Variants in RAPGEF2 observed in about 807,000 individuals in gnomAD.
The protein encoded by RAPGEF2 is PDZ domain containing guanine nucleotide exchange factor (GEF) 1.
In RAPGEF2, 54 loss-of-function variants were observed where a neutral mutation model predicts 186.7. That is an observed-to-expected ratio of 0.29 (90% CI 0.23 to 0.36). The LOEUF is 0.36. RAPGEF2 is among the 10% of genes least tolerant of loss of function. The pLI, the probability that RAPGEF2 is intolerant of heterozygous loss-of-function variation, is 1.00. For synonymous variants in RAPGEF2, 712 were observed against 705.9 expected, an observed-to-expected ratio of 1.01 and a Z score of -0.14; for missense variants, 1,532 against 2,045.0, an observed-to-expected ratio of 0.75 and a Z score of 4.84.
intron 2 of RAPGEF2, 79 bp from the exon 3 acceptor site, chr4:159,193,121 A>G (rs1748286656): frequency 1.5e-5 from 10 of 682,654 alleles, no homozygotes; most frequent in Non-Finnish European, 2.2e-5. Flanking sequence ...TCTAGACTGT[A>G]TGTGTCATTT....
intron 7 of RAPGEF2, among the ~76,000 whole-genome samples, chr4:159,253,911 T>C (rs1395800812): frequency 6.6e-6 from 1 of 151,932 alleles, no homozygotes; most frequent in East Asian, 1.9e-4. Flanking sequence ...GAGCTGGCAG[T>C]GAGCCTGGGG....
In RAPGEF2 at chr4:159,322,500, A is replaced by G; in HGVS notation, c.990+17A>G. On this transcript the variant is annotated intron_variant, in intron 10 of 29. Coordinates refer to ENST00000691494, the MANE Select transcript of RAPGEF2 (RefSeq NM_001394067.2). ...GGTGAAGAGGTGAGTAACTATTCCT[A>G]CCACTTAAAAAGTTTCTTCTTAAAG... is the stretch of plus-strand genomic sequence containing the variant. 2 of 1,608,208 alleles carry G rather than the reference A, an allele frequency of 1.2e-6. No individual in the cohort carries two copies. Among genetic ancestry groups the G allele is most frequent in the Non-Finnish European group, 1.7e-6 (2 of 1,176,102 alleles).
At chr4:159,317,758 T>C (rs762820821) in intron 9 of RAPGEF2, among the ~76,000 whole-genome samples, 37 of 152,106 alleles carry the variant, frequency 2.4e-4, no homozygotes, top group Non-Finnish European at 4.1e-4. Flanking sequence ...AAATTGGAAG[T>C]GTGTTCAGTT....
In RAPGEF2 at chr4:159,196,946, T is replaced by G. The variant is rs1366854399; in HGVS notation, c.197+3690T>G. The stretch of plus-strand genomic sequence containing the variant: ...TTGCCCATTTGGAATCAAATTGTGT[T>G]GGTTTGCATTAGAAAGTTAGAGAAA... On this transcript the variant is annotated intron_variant, in intron 3 of 29. Transcript: ENST00000691494. Among the ~76,000 whole-genome samples the G allele has an allele frequency of 2.0e-5, 3 of 152,240 alleles. No individual in the cohort carries two copies. The East Asian group carries it at 5.8e-4, about 29-fold the overall frequency.
At chr4:159,333,608 C>T (rs1766996396) in intron 17 of RAPGEF2, among the ~76,000 whole-genome samples, 1 of 152,150 alleles carries the variant, frequency 6.6e-6, no homozygotes, top group African/African-American at 2.4e-5. Flanking sequence ...ATGCCAGGAG[C>T]TCAGCCAGGC....
At chr4:159,159,193 TC>T (rs1744438995) in intron 1 of RAPGEF2, among the ~76,000 whole-genome samples, 1 of 152,304 alleles carries the variant, frequency 6.6e-6, no homozygotes. Flanking sequence ...AGTGTCTCCC[TC>T]AGCCCCTTTC....
In RAPGEF2 at chr4:159,104,171, C is replaced by T. The variant is rs1486221763; in HGVS notation, c.9C>T (p.Ser3=). ...CCGCTCCCAGAGGGGAGATGGCGTC[C>T]TACGTAGATAACAGCTTCCGCCAGG... MA[S]YVDNSFRQAV... Residue 3 remains serine (S), a synonymous_variant, in exon 1 of 30, where the codon TCC becomes TCT. Transcript: ENST00000691494. 28 of 1,528,436 alleles carry T rather than the reference C, an allele frequency of 1.8e-5. No homozygotes were observed. The highest frequency in any genetic ancestry group is 1.7e-4 in the East Asian group (7 of 40,212). The allele number at this position is 1,528,436 out of a possible 1,614,324, so 94.7% of individuals were successfully genotyped here.
chr4:159,326,078 C>G (rs117815715), intron 11 of RAPGEF2, among the ~76,000 whole-genome samples: 3 of 152,146 alleles, frequency 2.0e-5, no homozygotes, highest in Admixed American at 1.3e-4. Flanking sequence ...TCAGGGATTT[C>G]GTTCTTGTAC....
rs762280345 is a variant in RAPGEF2 at position 159,346,838 on chromosome 4, A to C, written c.3552A>C (p.Pro1184=). 4 of 1,614,090 alleles carry C rather than the reference A, an allele frequency of 2.5e-6. No homozygotes were observed. Among genetic ancestry groups the C allele is most frequent in the Non-Finnish European group, 3.4e-6 (4 of 1,180,038 alleles). ...AGCCTGTCAAATCCGAGACCTCTCC[A>C]GTAGCTCCAAGGGCAGGGTCACAAC... ...DKKPVKSETS[P]VAPRAGSQQK... The change falls in exon 25 of 30, where the codon CCA becomes CCC. Residue 1184 remains proline (P), a synonymous_variant. Coordinates refer to ENST00000691494, the MANE Select transcript of RAPGEF2 (RefSeq NM_001394067.2).
intron 7 of RAPGEF2, among the ~76,000 whole-genome samples, chr4:159,284,491 CA>C (rs1760174003): frequency 5.7e-5 from 1 of 17,562 alleles, no homozygotes; most frequent in African/African-American, 3.3e-4. Flanking sequence ...GACACACACA[CA>C]CACACACACA....
chr4:159,111,771 A>G (rs1738524909), intron 1 of RAPGEF2, among the ~76,000 whole-genome samples: 1 of 152,182 alleles, frequency 6.6e-6, no homozygotes, highest in South Asian at 2.1e-4. Flanking sequence ...TCTTTCTTAA[A>G]CTTTTTAGCT....
At chr4:159,345,006 CT>C (rs1730083788) in intron 23 of RAPGEF2, 99 bp from the exon 24 acceptor site, 2 of 945,354 alleles carry the variant, frequency 2.1e-6, no homozygotes, top group Admixed American at 4.1e-5. Context: ...GGCATGTGAC[CT>C]TTTGAACATA....
At chr4:159,343,929 C>T in intron 22 of RAPGEF2, 107 bp from the exon 23 acceptor site, 2 of 1,150,714 alleles carry the variant, frequency 1.7e-6, no homozygotes, top group South Asian at 1.3e-5. Flanking sequence ...TGTTTGTGGG[C>T]TTCTAGAACT....
At chr4:159,131,519 A>ATTGGTTTTTTTTTTTTTTTTTTTTTTTT in intron 1 of RAPGEF2, among the ~76,000 whole-genome samples, 4 of 37,188 alleles carry the variant, frequency 1.1e-4, no homozygotes, top group Admixed American at 3.4e-4. Flanking sequence ...ATTAATTGCT[A>ATTGGTTTTTTTTTTTTTTTTTTTTTTTT]TTTTTTTTTT....
intron 4 of RAPGEF2, among the ~76,000 whole-genome samples, chr4:159,223,516 C>A (rs1751731172): frequency 6.6e-6 from 1 of 152,104 alleles, no homozygotes; most frequent in African/African-American, 2.4e-5. Context: ...TTGTCAAACA[C>A]ATTGTTGTGT....
intron 3 of RAPGEF2, among the ~76,000 whole-genome samples, chr4:159,196,087 T>G (rs1050684784): frequency 7.2e-5 from 11 of 152,064 alleles, no homozygotes; most frequent in Non-Finnish European, 1.6e-4. Flanking sequence ...TCTTTGGATA[T>G]TCCACAAATT....
chr4:159,254,850 C>T (rs1434435512), intron 7 of RAPGEF2, among the ~76,000 whole-genome samples: 3 of 152,156 alleles, frequency 2.0e-5, no homozygotes, highest in Non-Finnish European at 4.4e-5. Flanking sequence ...ATCCGCCTGC[C>T]TCGGCCTCCC....
rs774821559 is a variant in RAPGEF2, at chr4:159,255,909, A to G, written c.543+12118A>G. On this transcript the variant is annotated intron_variant, in intron 7 of 29. Transcript: ENST00000691494. The stretch of plus-strand genomic sequence containing the variant: ...GTCTTGGAAAAAATATTTACTTCCT[A>G]TAAAATATAACCCATCCAGAAAACA... Among the ~76,000 whole-genome samples, 5 of 152,098 alleles carry G rather than the reference A, an allele frequency of 3.3e-5. No homozygotes were observed. The South Asian group carries it at 1.0e-3, about 32-fold the overall frequency.
intron 7 of RAPGEF2, among the ~76,000 whole-genome samples, chr4:159,259,805 T>C (rs537928464): frequency 3.9e-5 from 6 of 152,254 alleles, no homozygotes; most frequent in Middle Eastern, 3.4e-3. Flanking sequence ...TTGAAAAATA[T>C]AAGTAAATCA....
Sources: gnomAD v4.1 joint callset for allele counts (sites outside exome capture counted in the v4.1 genomes callset) on GRCh38, gnomAD v4.1.1 for gene constraint, MANE v1.5 for transcripts, NCBI Gene and HGNC (gene_info 2026-07-23, HGNC 2026-07-21) for gene names.